Variants in NME7 observed in about 807,000 individuals in gnomAD.
NME7 encodes nucleoside diphosphate kinase 7.
In NME7, 41 loss-of-function variants were observed where a neutral mutation model predicts 49.1. The ratio of observed to expected loss-of-function variants is 0.83; its 90% CI spans 0.65 to 1.08. NME7 has a LOEUF of 1.08. Ranked by LOEUF, NME7 falls within the 50% of genes least tolerant of loss-of-function variation. NME7 has a pLI of 0.00. For missense variants in NME7, 423 were observed against 463.4 expected, an observed-to-expected ratio of 0.91 and a Z score of 0.80; for synonymous variants, 139 against 150.6, an observed-to-expected ratio of 0.92 and a Z score of 0.56.
intron 10 of NME7, among the ~76,000 whole-genome samples, chr1:169,229,965 A>G (rs967696829): frequency 1.3e-5 from 2 of 152,128 alleles, no homozygotes; most frequent in Non-Finnish European, 2.9e-5. Context: ...CCATCTAAAA[A>G]AAAAAAAAAT....
At chr1:169,140,264 G>C (rs1244972136) in intron 11 of NME7, among the ~76,000 whole-genome samples, 1 of 152,002 alleles carries the variant, frequency 6.6e-6, no homozygotes, top group African/African-American at 2.4e-5. Flanking sequence ...TTTCAAAATG[G>C]AATGATAAAA....
At chr1:169,245,782 TGA>T (rs1648289850) in intron 7 of NME7, among the ~76,000 whole-genome samples, 1 of 152,176 alleles carries the variant, frequency 6.6e-6, no homozygotes, top group South Asian at 2.1e-4. Flanking sequence ...CTAGAGATTA[TGA>T]GAGTTTAATG....
intron 1 of NME7, among the ~76,000 whole-genome samples, chr1:169,332,796 CT>C (rs1652307078): frequency 6.6e-6 from 1 of 152,232 alleles, no homozygotes; most frequent in Admixed American, 6.5e-5. Flanking sequence ...GTTAAAATGG[CT>C]CTTATCCAAA....
At chr1:169,151,385 G>A (rs1418334541) in intron 11 of NME7, among the ~76,000 whole-genome samples, 1 of 152,130 alleles carries the variant, frequency 6.6e-6, no homozygotes, top group East Asian at 1.9e-4. Flanking sequence ...ACTGGACAAG[G>A]CTTTGGTAGA....
At chr1:169,250,318 A>G (rs1050100745) in intron 7 of NME7, among the ~76,000 whole-genome samples, 2 of 151,848 alleles carry the variant, frequency 1.3e-5, no homozygotes, top group Admixed American at 6.6e-5. Context: ...TTGGTTGTAA[A>G]GTCTCCAGTT....
chr1:169,146,130 T>C (rs1658741431), intron 11 of NME7, among the ~76,000 whole-genome samples: 1 of 152,196 alleles, frequency 6.6e-6, no homozygotes. Context: ...TATTTCCCTA[T>C]GTATGTCCAT....
intron 3 of NME7, chr1:169,322,553 T>C (rs1425688355): frequency 4.6e-5 from 7 of 152,124 alleles, no homozygotes; most frequent in Non-Finnish European, 1.0e-4. Context: ...GATACAGTTA[T>C]GAATAAGATA....
chr1:169,303,305 A>G (rs1444793326), intron 4 of NME7, 110 bp from the exon 5 acceptor site: 12 of 445,460 alleles, frequency 2.7e-5, no homozygotes, highest in Non-Finnish European at 7.7e-6. Flanking sequence ...ATACTAATTT[A>G]TATTTTAATT....
At chr1:169,340,414 T>C (rs1285260730) in intron 1 of NME7, among the ~76,000 whole-genome samples, 1 of 152,202 alleles carries the variant, frequency 6.6e-6, no homozygotes, top group Non-Finnish European at 1.5e-5. Flanking sequence ...TTAAACCTCT[T>C]ACCTTCAAAA....
intron 3 of NME7, among the ~76,000 whole-genome samples, chr1:169,313,129 A>G (rs556483118): frequency 6.6e-6 from 1 of 152,160 alleles, no homozygotes; most frequent in Admixed American, 6.5e-5. Flanking sequence ...AAAAACTAAA[A>G]AAGTTGATAT....
intron 1 of NME7, among the ~76,000 whole-genome samples, chr1:169,345,635 C>T (rs1652926717): frequency 6.6e-6 from 1 of 152,134 alleles, no homozygotes; most frequent in Admixed American, 6.6e-5. Flanking sequence ...GTTAGAGTGT[C>T]AGCATACTCT....
chr1:169,224,313 A>T (rs1164102185), intron 10 of NME7, among the ~76,000 whole-genome samples: 1 of 152,100 alleles, frequency 6.6e-6, no homozygotes, highest in Non-Finnish European at 1.5e-5. Context: ...TGTGCATAAG[A>T]TCGGGCACCC....
chr1:169,226,453 T>C (rs1647346438), intron 10 of NME7, among the ~76,000 whole-genome samples: 1 of 152,200 alleles, frequency 6.6e-6, no homozygotes, highest in African/African-American at 2.4e-5. Context: ...CAAATGGATT[T>C]TGAAATTCTG....
rs980449457 is a variant in NME7, at chr1:169,184,606, G to A, written c.991-15052C>T. ...TTTCATCCATTCCCAAAATCAATTG[G>A]TCATTACCTAATTTGTTGATCTCAT... On this transcript the variant is annotated intron_variant, in intron 10 of 11. Transcript: ENST00000367811. Among the ~76,000 whole-genome samples the A allele has an allele frequency of 2.6e-5, 4 of 151,930 alleles. No individual in the cohort carries two copies. The South Asian group carries it at 6.2e-4, about 24-fold the overall frequency.
chr1:169,352,115 C>CAA (rs138123844), intron 1 of NME7, among the ~76,000 whole-genome samples: 1 of 145,864 alleles, frequency 6.9e-6, no homozygotes. Flanking sequence ...AACAACACAT[C>CAA]AAAAAAAAAA....
intron 10 of NME7, among the ~76,000 whole-genome samples, chr1:169,203,286 T>C (rs1660595983): frequency 6.6e-6 from 1 of 152,208 alleles, no homozygotes; most frequent in Non-Finnish European, 1.5e-5. Context: ...TGTTTTCTTA[T>C]AAAAGTCTTT....
chr1:169,338,974 T>A (rs536668941), intron 1 of NME7, among the ~76,000 whole-genome samples: 1 of 152,154 alleles, frequency 6.6e-6, no homozygotes, highest in Non-Finnish European at 1.5e-5. Context: ...ATTGTCTCTC[T>A]AATAAAATTA....
intron 11 of NME7, chr1:169,168,808 T>A: frequency 2.2e-6 from 1 of 454,130 alleles, no homozygotes; most frequent in Non-Finnish European, 4.4e-6. Flanking sequence ...GCACTCATAA[T>A]ACACATTTTT....
chr1:169,191,112 G>A (rs1660217705), intron 10 of NME7, among the ~76,000 whole-genome samples: 1 of 151,462 alleles, frequency 6.6e-6, no homozygotes, highest in African/African-American at 2.4e-5. Context: ...GCGCCCGGCC[G>A]CAAGTGAACT....
Sources: allele counts gnomAD v4.1 joint callset (sites outside exome capture counted in the v4.1 genomes callset), GRCh38; gene constraint gnomAD v4.1.1; transcripts MANE v1.5; gene names NCBI Gene and HGNC (gene_info 2026-07-23, HGNC 2026-07-21).